ITGB7: variants seen among roughly 807,000 people sequenced by gnomAD.
ITGB7 encodes the protein integrin beta-7.
A neutral mutation model predicts 83.4 loss-of-function variants in ITGB7; 55 were observed. That is an observed-to-expected ratio of 0.66 (90% CI 0.53 to 0.83). The LOEUF is 0.83. Among genes scored for constraint, ITGB7 ranks in the 40% least tolerant of loss-of-function variants. The probability of loss-of-function intolerance (pLI) is 0.00; values close to 1 mark genes in which losing one functional copy is unlikely to be tolerated. For synonymous variants in ITGB7, 454 were observed against 423.6 expected (o/e 1.07, Z -0.88); for missense variants, 921 against 1,046.7 (o/e 0.88, Z 1.66).
chr12:53,197,380 T>A (rs1310227853), intron 5 of ITGB7, 113 bp downstream of exon 5: 4 of 1,241,076 alleles, frequency 3.2e-6, no homozygotes, highest in Non-Finnish European at 4.8e-6. Context: ...GCTAGGCCTG[T>A]CAACAACTGG....
chr12:53,200,937 A>T (rs1375243506), intron 2 of ITGB7, 135 bp downstream of exon 2: 1 of 156,866 alleles, frequency 6.4e-6, no homozygotes, highest in East Asian at 1.9e-4. Flanking sequence ...TTAAAAAAAA[A>T]AAAAATAGGG....
intron 3 of ITGB7, among the ~76,000 whole-genome samples, chr12:53,199,848 T>C (rs12232003): frequency 0.17 from 25,917 of 152,102 alleles, 3,209 homozygotes; most frequent in African/African-American, 0.35. Context: ...ACCACCCAGC[T>C]TATGGTATTT....
At position 53,197,733 on chromosome 12, in the gene ITGB7, C is replaced by T; in HGVS notation, c.403+17G>A. 1.3e-6 allele frequency: 2 copies of T among 1,586,060 alleles called. No homozygotes were observed. Among genetic ancestry groups the T allele is most frequent in the Admixed American group, 1.8e-5 (1 of 56,224 alleles). ...CCAGCCTAGACCTCTGGCCTGGCCC[C>T]GCCTCCCCTAACTCACCAGGCCGCA... On this transcript the variant is annotated intron_variant, in intron 4 of 15. Coordinates refer to ENST00000267082, the MANE Select transcript of ITGB7 (RefSeq NM_000889.3).
At chr12:53,206,109 A>T (rs1942437986) in intron 1 of ITGB7, among the ~76,000 whole-genome samples, 1 of 151,820 alleles carries the variant, frequency 6.6e-6, no homozygotes, top group African/African-American at 2.4e-5. Flanking sequence ...GCCCTTTCCT[A>T]CCTTTCTTTC....
At chr12:53,200,856 G>A (rs981202898) in intron 2 of ITGB7, among the ~76,000 whole-genome samples, 1 of 150,452 alleles carries the variant, frequency 6.6e-6, no homozygotes, top group Non-Finnish European at 1.5e-5. Context: ...TTGAACCAGG[G>A]AGGCGGAGGT....
intron 1 of ITGB7, among the ~76,000 whole-genome samples, chr12:53,202,331 C>T (rs891835964): frequency 1.3e-5 from 2 of 152,148 alleles, no homozygotes; most frequent in African/African-American, 4.8e-5. Context: ...TGCCCTGCAG[C>T]CTGGACAACA....
intron 7 of ITGB7, 110 bp downstream of exon 7, chr12:53,195,931 G>T: frequency 7.9e-7 from 1 of 1,262,824 alleles, no homozygotes; most frequent in Non-Finnish European, 1.1e-6. Context: ...AAGATGGCAG[G>T]GTGTCTACAG....
At position 53,194,211 on chromosome 12, in the gene ITGB7, C is replaced by T. The variant is rs114435093; in HGVS notation, c.1295G>A (p.Arg432Gln). The T allele has an allele frequency of 6.4e-5, 103 of 1,614,048 alleles. 1 individual carries two copies. The African/African-American group carries it at 7.2e-4, about 11-fold the overall frequency. Residue 432 changes from arginine to glutamine, a missense_variant, in exon 10 of 16, where the codon CGA (arginine) becomes CAA (glutamine). By Grantham distance (43) the Arg-to-Gln change is conservative. Transcript: ENST00000267082. ...GCTGGCTCTCACCGTCTGGTTGATT[C>T]GGACGTGGTTGCACTGTCCTCGATC... ...AEDRGQCNHV[R>Q]INQTVTFWVS...
At position 53,193,787 on chromosome 12, in the gene ITGB7, C is replaced by G; in HGVS notation, c.1423G>C (p.Asp475His). 6.2e-7 allele frequency: 1 copy of G among 1,614,068 alleles called. No homozygotes were observed. Among genetic ancestry groups the G allele is most frequent in the Non-Finnish European group, 8.5e-7 (1 of 1,179,974 alleles). ...GGCTGGGTGTCACTGCAATTACAGT[C>G]ACACAGCGTGTGCAACTCCACAATC... ...ELIVELHTLC[D>H]CNCSDTQPQA... is the part of the protein sequence containing the mutation. Residue 475 changes from aspartate to histidine, a missense_variant, in exon 11 of 16, where the codon GAC becomes CAC. Transcript: ENST00000267082.
intron 12 of ITGB7, 95 bp downstream of exon 12, chr12:53,193,045 T>G: frequency 7.2e-7 from 1 of 1,384,000 alleles, no homozygotes; most frequent in African/African-American, 1.4e-5. Context: ...ACCGGAATCT[T>G]TTGATATTTG....
Position 53,195,606 on chromosome 12 carries a change from G to A in ITGB7, c.1071+20C>T, listed in dbSNP as rs754796917. The A allele has an allele frequency of 1.3e-6, 2 of 1,599,130 alleles. No individual in the cohort carries two copies. Among genetic ancestry groups the A allele is most frequent in the East Asian group, 4.5e-5 (2 of 44,800 alleles). ...AGGTTGGGATGGGGCTGGGGGATCT[G>A]ACATGTAGACAGCTCTCACCTGGTA... On this transcript the variant is annotated intron_variant, in intron 8 of 15. Coordinates refer to ENST00000267082, the MANE Select transcript of ITGB7 (RefSeq NM_000889.3).
At position 53,200,155 on chromosome 12, in the gene ITGB7, C is replaced by T; in HGVS notation, c.201+88G>A. The T allele has an allele frequency of 2.6e-6, 3 of 1,164,186 alleles. No individual in the cohort carries two copies. In the South Asian group the frequency reaches 4.2e-5, roughly 16 times the overall value. 72.1% of individuals were successfully genotyped at this position (1,164,186 alleles called of 1,614,324 possible). A position where few individuals can be genotyped will look rare whatever the true frequency, so the allele number is the denominator to read the frequency against. On this transcript the variant is annotated intron_variant, in intron 3 of 15. Coordinates refer to ENST00000267082, the MANE Select transcript of ITGB7 (RefSeq NM_000889.3). ...CCAGAAAATCATACATGTGCCCACACAATCACACACATATATCCAGGCTGC... is the reference window on the plus strand; with the variant it reads ...CCAGAAAATCATACATGTGCCCACATAATCACACACATATATCCAGGCTGC...
rs1300613403 is a variant in ITGB7, at chr12:53,201,171, C to G, written c.-103G>C. The G allele has an allele frequency of 6.6e-6, 1 of 152,232 alleles. No homozygotes were observed. Among genetic ancestry groups the G allele is most frequent in the Non-Finnish European group, 1.5e-5 (1 of 68,054 alleles). The allele number at this position is 152,232 out of a possible 1,614,324, so 9.4% of individuals were successfully genotyped here. ...CTGGCTGTGGGGCAAGTCAGACTTT[C>G]TCTCTGGGCTTTAGTTTCCACATCT... On this transcript the variant is annotated 5_prime_UTR_variant, in exon 2 of 16. Coordinates refer to ENST00000267082, the MANE Select transcript of ITGB7 (RefSeq NM_000889.3).
chr12:53,196,468 A>G (rs1942163670), intron 6 of ITGB7, 111 bp downstream of exon 6: 18 of 1,383,236 alleles, frequency 1.3e-5, no homozygotes, highest in South Asian at 4.3e-5. Flanking sequence ...TACAAACTAC[A>G]GCAACTATGG....
intron 11 of ITGB7, 153 bp from the exon 12 acceptor site, chr12:53,193,516 G>A (rs1942043541): frequency 2.7e-6 from 2 of 736,522 alleles, no homozygotes; most frequent in African/African-American, 1.8e-5. Context: ...ACTGAGGGGT[G>A]AGAGAGTGGA....
chr12:53,197,682 G>A lies in ITGB7; in HGVS notation c.404-19C>T, dbSNP rs757900859. 3.1e-6 allele frequency: 5 copies of A among 1,611,514 alleles called. No homozygotes were observed. The South Asian group carries it at 5.5e-5, about 18-fold the overall frequency. ...GGCTCCCCTAGGGGGTGGGCGGCGG[G>A]CGGGTCAGCAGAGCGCATTGGAACG... On this transcript the variant is annotated intron_variant, in intron 4 of 15. Coordinates refer to ENST00000267082, the MANE Select transcript of ITGB7 (RefSeq NM_000889.3).
chr12:53,200,549 C>T, intron 2 of ITGB7, 103 bp from the exon 3 acceptor site: 1 of 904,462 alleles, frequency 1.1e-6, no homozygotes, highest in Non-Finnish European at 1.7e-6. Flanking sequence ...AAACTCTGCC[C>T]CAACACTTTA....
intron 3 of ITGB7, among the ~76,000 whole-genome samples, chr12:53,198,179 G>A (rs1313751580): frequency 6.6e-6 from 1 of 152,158 alleles, no homozygotes; most frequent in Non-Finnish European, 1.5e-5. Context: ...ACCCAGGCTG[G>A]AGTGCTGCGG....
chr12:53,204,463 A>G (rs1942389482), intron 1 of ITGB7, among the ~76,000 whole-genome samples: 1 of 152,094 alleles, frequency 6.6e-6, no homozygotes, highest in African/African-American at 2.4e-5. Context: ...GAACAAAACC[A>G]TTCATGAAAG....
Sources: gnomAD v4.1 joint callset for allele counts (sites outside exome capture counted in the v4.1 genomes callset) on GRCh38, gnomAD v4.1.1 for gene constraint, MANE v1.5 for transcripts, NCBI Gene and HGNC (gene_info 2026-07-23, HGNC 2026-07-21) for gene names.